The following TENM2 variants were observed in gnomAD, a reference collection of about 807,000 sequenced individuals.
TENM2 encodes teneurin-2.
A neutral mutation model predicts 245.2 loss-of-function variants in TENM2; 52 were observed. The ratio of observed to expected loss-of-function variants is 0.21; its 90% confidence interval spans 0.17 to 0.27. TENM2 has a LOEUF of 0.27. TENM2 is among the 10% of genes least tolerant of loss of function. The probability of loss-of-function intolerance (pLI) is 1.00; values close to 1 mark genes in which losing one functional copy is unlikely to be tolerated. For missense variants in TENM2, 3,046 were observed against 3,666.8 expected, an observed-to-expected ratio of 0.83 and a Z score of 4.37; for synonymous variants, 1,363 against 1,438.9, an observed-to-expected ratio of 0.95 and a Z score of 1.19.
chr5:168,042,355 C>A (rs149134070), intron 5 of TENM2, among the ~76,000 whole-genome samples: 1 of 152,136 alleles, frequency 6.6e-6, no homozygotes, highest in African/African-American at 2.4e-5. Flanking sequence ...ACAGAGCATC[C>A]GTGGCCTCCA....
chr5:167,177,374 G>T, the TENM2 span, among the ~76,000 whole-genome samples: 1 of 152,136 alleles, frequency 6.6e-6, no homozygotes, highest in Non-Finnish European at 1.5e-5. Context: ...AATGCAGAAG[G>T]CCAGTTGTTT....
intron 2 of TENM2, among the ~76,000 whole-genome samples, chr5:167,762,465 A>G (rs1431070951): frequency 6.6e-6 from 1 of 151,910 alleles, no homozygotes. Context: ...TCCTCTCGTT[A>G]TTTTCGTCTA....
intron 3 of TENM2, among the ~76,000 whole-genome samples, chr5:167,917,347 T>C (rs1777029342): frequency 6.6e-6 from 1 of 151,964 alleles, no homozygotes; most frequent in Non-Finnish European, 1.5e-5. Context: ...GATGTGGTGC[T>C]GGAGTCTCGG....
chr5:167,772,668 A>T (rs1411619574), intron 2 of TENM2, among the ~76,000 whole-genome samples: 2 of 152,016 alleles, frequency 1.3e-5, no homozygotes, highest in Non-Finnish European at 2.9e-5. Flanking sequence ...GCACCCTATT[A>T]ATAGTTTGCT....
At chr5:168,242,445 A>G (rs935222507) in intron 25 of TENM2, among the ~76,000 whole-genome samples, 3 of 152,240 alleles carry the variant, frequency 2.0e-5, no homozygotes, top group Non-Finnish European at 2.9e-5. Context: ...GGTGAAGTGT[A>G]TAAGAAGTTA....
At chr5:168,248,903 G>A (rs1458095557) in intron 27 of TENM2, among the ~76,000 whole-genome samples, 1 of 152,176 alleles carries the variant, frequency 6.6e-6, no homozygotes, top group Non-Finnish European at 1.5e-5. Flanking sequence ...TGGATCCCTT[G>A]AGGTCAGGAG....
chr5:167,255,418 GTTCT>G, the TENM2 span, among the ~76,000 whole-genome samples: 1 of 152,084 alleles, frequency 6.6e-6, no homozygotes, highest in Non-Finnish European at 1.5e-5. Context: ...AAAAGCCCAT[GTTCT>G]TTCTTTAAGG....
chr5:167,818,040 C>G (rs1767207533), intron 2 of TENM2, among the ~76,000 whole-genome samples: 1 of 152,180 alleles, frequency 6.6e-6, no homozygotes, highest in South Asian at 2.1e-4. Context: ...TTCTTCCCCC[C>G]ATCTCCTAAA....
intron 2 of TENM2, among the ~76,000 whole-genome samples, chr5:167,856,029 G>A (rs1214988357): frequency 6.6e-6 from 1 of 152,194 alleles, no homozygotes; most frequent in Admixed American, 6.5e-5. Flanking sequence ...AACTCTGATG[G>A]AAATTCCCTG....
At chr5:168,080,532 ATT>A (rs1252266656) in intron 7 of TENM2, among the ~76,000 whole-genome samples, 2 of 152,046 alleles carry the variant, frequency 1.3e-5, no homozygotes, top group African/African-American at 4.8e-5. Context: ...TAGGGCGTCA[ATT>A]TTAGATTTTT....
chr5:167,639,360 C>T (rs1010677423), intron 2 of TENM2, among the ~76,000 whole-genome samples: 4 of 152,000 alleles, frequency 2.6e-5, no homozygotes, highest in Non-Finnish European at 5.9e-5. Flanking sequence ...TATTCAATAC[C>T]CATGAAGCAA....
chr5:167,061,836 C>T, the TENM2 span, among the ~76,000 whole-genome samples: 2 of 150,242 alleles, frequency 1.3e-5, no homozygotes, highest in Non-Finnish European at 1.5e-5. Flanking sequence ...GGAGCAAAAA[C>T]GTGTTACAGT....
chr5:168,092,424 A>G (rs1793020731), intron 8 of TENM2, among the ~76,000 whole-genome samples: 1 of 152,192 alleles, frequency 6.6e-6, no homozygotes, highest in Non-Finnish European at 1.5e-5. Flanking sequence ...CAGCTTTCCC[A>G]CTGTCATGGC....
At chr5:168,199,239 T>C in intron 16 of TENM2, 125 bp downstream of exon 18, 2 of 1,009,600 alleles carry the variant, frequency 2.0e-6, no homozygotes, top group South Asian at 3.4e-5. Context: ...GGGAGCATAA[T>C]AAAATTTATA....
chr5:167,308,524 T>A (rs1042924192), intron 1 of TENM2, among the ~76,000 whole-genome samples: 29 of 152,202 alleles, frequency 1.9e-4, no homozygotes, highest in Admixed American at 1.4e-3. Context: ...GACAGGGACC[T>A]CCTGTGAGAT....
At chr5:167,588,164 A>C (rs1023155398) in intron 2 of TENM2, among the ~76,000 whole-genome samples, 2 of 152,250 alleles carry the variant, frequency 1.3e-5, no homozygotes, top group African/African-American at 4.8e-5. Flanking sequence ...AACGTGCAAC[A>C]TAACTGCAAT....
the TENM2 span, among the ~76,000 whole-genome samples, chr5:167,004,483 T>A: frequency 0.96 from 146,419 of 152,314 alleles, 70,445 homozygotes; most frequent in African/African-American, 0.99. Flanking sequence ...GTAATCTGGT[T>A]CATTTTTATT....
At chr5:167,329,926 A>G (rs1468252908) in intron 1 of TENM2, among the ~76,000 whole-genome samples, 1 of 152,134 alleles carries the variant, frequency 6.6e-6, no homozygotes, top group Non-Finnish European at 1.5e-5. Context: ...GAACATTGAA[A>G]TCTACCCTGA....
chr5:167,086,257 T>C, the TENM2 span, among the ~76,000 whole-genome samples: 2 of 152,226 alleles, frequency 1.3e-5, no homozygotes, highest in Non-Finnish European at 2.9e-5. Context: ...TCGCTTTCTA[T>C]GTGACCTTCA....
Sources: allele counts gnomAD v4.1 joint callset (sites outside exome capture counted in the v4.1 genomes callset), GRCh38; gene constraint gnomAD v4.1.1; transcripts MANE v1.5; gene names NCBI Gene and HGNC (gene_info 2026-07-23, HGNC 2026-07-21).